The following CCSER1 variants were observed in gnomAD, a reference collection of about 807,000 sequenced individuals.
CCSER1 encodes serine-rich coiled-coil domain-containing protein 1.
CCSER1 carries 41 observed loss-of-function variants against 82.0 expected under a neutral mutation model. That is an observed-to-expected ratio of 0.50 (90% CI 0.39 to 0.65). The LOEUF is 0.65. CCSER1 is among the 30% of genes least tolerant of loss of function. The pLI is 0.00. For missense variants in CCSER1, 1,119 were observed against 1,064.2 expected, an observed-to-expected ratio of 1.05 and a Z score of -0.72; for synonymous variants, 414 against 383.9, an observed-to-expected ratio of 1.08 and a Z score of -0.92.
chr4:90,864,430 C>T (rs1400148581), intron 8 of CCSER1, among the ~76,000 whole-genome samples: 2 of 151,850 alleles, frequency 1.3e-5, no homozygotes, highest in Non-Finnish European at 2.9e-5. Context: ...ATGTTGTTAC[C>T]CTAGGAGTAA....
chr4:90,529,726 T>A (rs1436765666), intron 5 of CCSER1, among the ~76,000 whole-genome samples: 2 of 152,100 alleles, frequency 1.3e-5, no homozygotes, highest in Non-Finnish European at 2.9e-5. Context: ...ATGTTCAATT[T>A]CTTAAAATAA....
chr4:91,205,830 A>G (rs1181122331), intron 10 of CCSER1, among the ~76,000 whole-genome samples: 1 of 151,864 alleles, frequency 6.6e-6, no homozygotes, highest in Non-Finnish European at 1.5e-5. Context: ...ACTATTCAAT[A>G]TTCAATAAAT....
chr4:91,410,923 T>G (rs1054462659), intron 10 of CCSER1, among the ~76,000 whole-genome samples: 1 of 152,108 alleles, frequency 6.6e-6, no homozygotes, highest in African/African-American at 2.4e-5. Context: ...AGCTAGATTT[T>G]TAGTGATCTT....
intron 10 of CCSER1, among the ~76,000 whole-genome samples, chr4:91,186,361 C>T (rs548570606): frequency 1.1e-3 from 163 of 152,252 alleles, no homozygotes; most frequent in African/African-American, 3.6e-3. Flanking sequence ...CACACTTGTC[C>T]CATGATTAAC....
intron 9 of CCSER1, among the ~76,000 whole-genome samples, chr4:91,033,800 G>T (rs1431060857): frequency 6.6e-6 from 1 of 152,114 alleles, no homozygotes; most frequent in Non-Finnish European, 1.5e-5. Context: ...CAGCAGCACC[G>T]TAAGGAGAAG....
intron 8 of CCSER1, among the ~76,000 whole-genome samples, chr4:90,842,586 G>A (rs751361022): frequency 1.3e-5 from 2 of 152,186 alleles, no homozygotes; most frequent in Non-Finnish European, 2.9e-5. Context: ...GCAGAAAAGA[G>A]ACTGTAGTAA....
intron 10 of CCSER1, among the ~76,000 whole-genome samples, chr4:91,345,931 A>G (rs1430849746): frequency 1.3e-5 from 2 of 152,164 alleles, no homozygotes; most frequent in South Asian, 2.1e-4. Context: ...TGTTGAAATC[A>G]TAAGAGTATA....
At chr4:91,153,695 A>T (rs1036810583) in intron 10 of CCSER1, among the ~76,000 whole-genome samples, 1 of 151,736 alleles carries the variant, frequency 6.6e-6, no homozygotes, top group South Asian at 2.1e-4. Context: ...TTTGGTGTGG[A>T]TGTCCTTTCT....
At chr4:90,362,596 C>T (rs1745559868) in intron 3 of CCSER1, among the ~76,000 whole-genome samples, 1 of 152,008 alleles carries the variant, frequency 6.6e-6, no homozygotes, top group Non-Finnish European at 1.5e-5. Flanking sequence ...AGAATGGGAC[C>T]AAATTAGTTA....
At chr4:90,515,899 G>A (rs1276434949) in intron 5 of CCSER1, among the ~76,000 whole-genome samples, 2 of 152,124 alleles carry the variant, frequency 1.3e-5, no homozygotes, top group African/African-American at 4.8e-5. Flanking sequence ...GTAAATGATG[G>A]TGAAAGAAAG....
At chr4:90,552,241 A>G (rs1320398035) in intron 5 of CCSER1, among the ~76,000 whole-genome samples, 1 of 152,206 alleles carries the variant, frequency 6.6e-6, no homozygotes, top group Non-Finnish European at 1.5e-5. Flanking sequence ...GCATTTAAGC[A>G]TAGTGGAGGT....
chr4:91,407,790 A>T (rs1290086337), intron 10 of CCSER1, among the ~76,000 whole-genome samples: 1 of 152,180 alleles, frequency 6.6e-6, no homozygotes, highest in Non-Finnish European at 1.5e-5. Flanking sequence ...AACACCACCC[A>T]TGAGGGATCC....
chr4:90,470,846 AT>A (rs2153590292), intron 5 of CCSER1, among the ~76,000 whole-genome samples: 1 of 151,870 alleles, frequency 6.6e-6, no homozygotes, highest in South Asian at 2.1e-4. Flanking sequence ...TGACATGGCA[AT>A]TCTGAAACAA....
intron 10 of CCSER1, among the ~76,000 whole-genome samples, chr4:91,369,708 C>T (rs1276245170): frequency 2.2e-5 from 3 of 135,612 alleles, no homozygotes; most frequent in African/African-American, 5.5e-5. Flanking sequence ...CTCACTCTGT[C>T]ACCAGGCTGG....
intron 9 of CCSER1, among the ~76,000 whole-genome samples, chr4:91,006,634 T>C (rs957674103): frequency 6.6e-6 from 1 of 151,852 alleles, no homozygotes; most frequent in African/African-American, 2.4e-5. Context: ...GGACTACAGG[T>C]GCCCACCACC....
chr4:90,245,770 G>A (rs1482103687), intron 1 of CCSER1, among the ~76,000 whole-genome samples: 1 of 152,080 alleles, frequency 6.6e-6, no homozygotes, highest in Non-Finnish European at 1.5e-5. Flanking sequence ...GTGAAACAAA[G>A]GGTGAAAAGG....
chr4:90,933,132 A>T (rs911071608), intron 9 of CCSER1, among the ~76,000 whole-genome samples: 1 of 70,178 alleles, frequency 1.4e-5, no homozygotes, highest in Non-Finnish European at 2.5e-5. Flanking sequence ...GTTACCTAGA[A>T]GTGTGTGTGT....
intron 10 of CCSER1, among the ~76,000 whole-genome samples, chr4:91,229,096 T>A (rs972984151): frequency 1.3e-5 from 2 of 152,100 alleles, no homozygotes; most frequent in African/African-American, 4.8e-5. Context: ...GCAAGGAGTC[T>A]GCAGTATGAG....
intron 10 of CCSER1, among the ~76,000 whole-genome samples, chr4:91,110,484 G>A (rs1310902201): frequency 6.6e-6 from 1 of 151,990 alleles, no homozygotes; most frequent in Non-Finnish European, 1.5e-5. Flanking sequence ...CTCACTAAGT[G>A]TAAAGCCACT....
Sources: allele counts gnomAD v4.1 joint callset (sites outside exome capture counted in the v4.1 genomes callset), GRCh38; gene constraint gnomAD v4.1.1; transcripts MANE v1.5; gene names NCBI Gene and HGNC (gene_info 2026-07-23, HGNC 2026-07-21).